The following POLR1C variants were observed in gnomAD, a reference collection of about 807,000 sequenced individuals.
POLR1C encodes DNA-directed RNA polymerases I and III subunit RPAC1.
A neutral mutation model predicts 38.3 loss-of-function variants in POLR1C; 42 were observed. The ratio of observed to expected loss-of-function variants is 1.10; its 90% CI spans 0.86 to 1.42. POLR1C has a LOEUF of 1.42. Ranked by LOEUF, POLR1C falls within the 40% of genes most tolerant of loss-of-function variation. The pLI is 0.00. For missense variants in POLR1C, 507 were observed against 450.5 expected, an observed-to-expected ratio of 1.13 and a Z score of -1.14; for synonymous variants, 163 against 163.9, an observed-to-expected ratio of 0.99 and a Z score of 0.04.
rs145380094 is a variant in POLR1C, at chr6:43,557,734, T to C, written c.*49-3666T>C. On this transcript the variant is annotated intron_variant, in intron 10 of 10. Coordinates refer to the POLR1C transcript ENST00000607635. ...TACTAAAAACCATTAAATTATATAC[T>C]GTATGTGGGTGAACTGTATGGTAAA... is the stretch of plus-strand genomic sequence containing the variant. 8.4e-3 allele frequency among the ~76,000 whole-genome samples: 1,198 copies of C among 142,994 alleles called. 8 individuals carry two copies. The highest frequency in any genetic ancestry group is 0.014 in the Non-Finnish European group (932 of 66,722). 93.8% of individuals were successfully genotyped at this position (142,994 alleles called of 152,430 possible).
intron 8 of POLR1C, chr6:43,526,830 T>C: frequency 7.0e-7 from 1 of 1,431,160 alleles, no homozygotes; most frequent in African/African-American, 1.4e-5. Flanking sequence ...GATCCCAACC[T>C]GTCTCTGGCC....
chr6:43,561,337 C>G lies in POLR1C; in HGVS notation c.*49-63C>G, dbSNP rs143925425. 5.8e-3 allele frequency: 1,409 copies of G among 241,914 alleles called. 17 individuals are homozygous for G. The highest frequency in any genetic ancestry group is 0.031 in the Middle Eastern group (20 of 648). The allele number at this position is 241,914 out of a possible 1,614,324, so 15.0% of individuals were successfully genotyped here. Reference sequence around the variant, plus strand: ...TTCCTCAGACCTTACCTATTCACATCTCTGTGTCCCAACCTATTACCTAAT... The same window carrying G: ...TTCCTCAGACCTTACCTATTCACATGTCTGTGTCCCAACCTATTACCTAAT... On this transcript the variant is annotated intron_variant, in intron 10 of 10. Coordinates refer to the POLR1C transcript ENST00000607635.
chr6:43,518,793 G>C (rs1345147115), intron 2 of POLR1C, among the ~76,000 whole-genome samples: 1 of 152,196 alleles, frequency 6.6e-6, no homozygotes, highest in Non-Finnish European at 1.5e-5. Context: ...AAGCAGTTCT[G>C]CCTCAGCCTC....
At chr6:43,544,142 A>G (rs982608660) in intron 9 of POLR1C, 1 of 153,606 alleles carries the variant, frequency 6.5e-6, no homozygotes, top group African/African-American at 2.4e-5. Context: ...AATGATAACC[A>G]TCTGAAGACT....
downstream of POLR1C, chr6:43,526,213 AT>A (rs752205707): frequency 1.1e-5 from 5 of 440,812 alleles, no homozygotes; most frequent in Non-Finnish European, 2.1e-5. Flanking sequence ...CCAGACACTG[AT>A]TTAGTTACTG....
chr6:43,526,577 T>C, intron 8 of POLR1C: 4 of 1,240,100 alleles, frequency 3.2e-6, no homozygotes, highest in South Asian at 2.6e-5. Context: ...GATAACTACA[T>C]GTAGGGTGTC....
At chr6:43,522,159 A>G (rs1472119954), downstream of POLR1C, among the ~76,000 whole-genome samples, 1 of 152,220 alleles carries the variant, frequency 6.6e-6, no homozygotes. Flanking sequence ...TGGGCTGCCT[A>G]GTCTGGGTAT....
downstream of POLR1C, chr6:43,530,627 T>A (rs770955228): frequency 1.4e-6 from 2 of 1,422,218 alleles, no homozygotes; most frequent in Non-Finnish European, 1.8e-6. Context: ...CTGTGACCTG[T>A]TTTGTTTCTC....
At chr6:43,545,648 A>C (rs1475199348) in intron 9 of POLR1C, among the ~76,000 whole-genome samples, 1 of 152,112 alleles carries the variant, frequency 6.6e-6, no homozygotes, top group Non-Finnish European at 1.5e-5. Context: ...CGGAGGTTGC[A>C]GTGAGCCAAG....
intron 10 of POLR1C, among the ~76,000 whole-genome samples, chr6:43,556,904 A>G (rs1355219006): frequency 6.6e-6 from 1 of 151,202 alleles, no homozygotes; most frequent in Non-Finnish European, 1.5e-5. Context: ...AAGGCAGGTG[A>G]ATCAGCTGAG....
At chr6:43,523,861 G>C (rs770816576), downstream of POLR1C, 1 of 1,614,008 alleles carries the variant, frequency 6.2e-7, no homozygotes, top group South Asian at 1.1e-5. Flanking sequence ...ATGCCCAAAA[G>C]CTTGATTCAG....
chr6:43,532,128 T>C (rs1237297196), downstream of POLR1C, among the ~76,000 whole-genome samples: 1 of 152,240 alleles, frequency 6.6e-6, no homozygotes, highest in African/African-American at 2.4e-5. Flanking sequence ...CTGACTTAAC[T>C]TGAATAATGG....
chr6:43,533,814 GAC>G (rs1362800986), downstream of POLR1C: 3 of 911,390 alleles, frequency 3.3e-6, no homozygotes, highest in African/African-American at 5.1e-5. Flanking sequence ...TAGCCTGGGT[GAC>G]AGAGACTATG....
Position 43,521,411 on chromosome 6 carries a change from A to G in POLR1C, c.*111A>G. 6.3e-7 allele frequency: 1 copy of G among 1,592,590 alleles called. No homozygotes were observed. The highest frequency in any genetic ancestry group is 1.1e-5 in the South Asian group (1 of 89,028). The stretch of plus-strand genomic sequence containing the variant: ...TAGGGATCCTGAGTTTTCTGGGACA[A>G]TTCCAGCTTTAATCAATACATTTTG... On this transcript the variant is annotated 3_prime_UTR_variant, in exon 9 of 9. Transcript: ENST00000642195.
chr6:43,558,835 A>G, intron 10 of POLR1C: 1 of 387,574 alleles, frequency 2.6e-6, no homozygotes. Flanking sequence ...CTCAGGGAGA[A>G]TTAAATTCTT....
chr6:43,527,549 A>T, intron 8 of POLR1C: 1 of 1,350,430 alleles, frequency 7.4e-7, no homozygotes, highest in Non-Finnish European at 1.1e-6. Flanking sequence ...CCTTTGCATT[A>T]GTCAGGCCTT....
At position 43,555,852 on chromosome 6, in the gene POLR1C, A is replaced by G. The variant is rs6916623; in HGVS notation, c.*48+4841A>G. On this transcript the variant is annotated intron_variant, in intron 10 of 10. Transcript: ENST00000607635. ...AAAACTTACAATTCACAGAACCAGC[A>G]TCAAGAAAAGTTGATAGTTGATACT... The G allele has an allele frequency of 6.7e-3, 10,757 of 1,613,938 alleles. 633 individuals are homozygous for G. In the African/African-American group the frequency reaches 0.13, roughly 19 times the overall value.
intron 8 of POLR1C, chr6:43,528,196 G>A: frequency 6.3e-7 from 1 of 1,593,086 alleles, no homozygotes; most frequent in Non-Finnish European, 8.6e-7. Context: ...TGCCATTTCT[G>A]AGAAAGCCTC....
At chr6:43,533,552 G>A (rs891885466), downstream of POLR1C, 5 of 178,220 alleles carry the variant, frequency 2.8e-5, no homozygotes, top group African/African-American at 1.2e-4. Flanking sequence ...AGCTGCTCAA[G>A]GAACCCATAA....
Sources: allele counts gnomAD v4.1 joint callset (sites outside exome capture counted in the v4.1 genomes callset), GRCh38; gene constraint gnomAD v4.1.1; transcripts MANE v1.5; gene names NCBI Gene and HGNC (gene_info 2026-07-23, HGNC 2026-07-21).